Variants in AKAP12 observed in about 807,000 individuals in gnomAD.
The protein encoded by AKAP12 is A-kinase anchoring protein 12.
A neutral mutation model predicts 79.9 loss-of-function variants in AKAP12; 32 were observed. The ratio of observed to expected loss-of-function variants is 0.40; its 90% CI spans 0.30 to 0.54. The LOEUF (loss-of-function observed/expected upper bound fraction) is 0.54. Among genes scored for constraint, AKAP12 ranks in the 20% least tolerant of loss-of-function variants. AKAP12 has a pLI of 0.48. For missense variants in AKAP12, 2,074 were observed against 2,177.0 expected, an observed-to-expected ratio of 0.95 and a Z score of 0.94; for synonymous variants, 808 against 857.0, an observed-to-expected ratio of 0.94 and a Z score of 1.00.
chr6:151,335,603 C>G (rs1777791122), intron 3 of AKAP12, among the ~76,000 whole-genome samples: 1 of 152,112 alleles, frequency 6.6e-6, no homozygotes, highest in Admixed American at 6.6e-5. Context: ...TCTCAAGTAG[C>G]TGGGATTATA....
At chr6:151,290,924 T>C (rs1282848386) in intron 2 of AKAP12, among the ~76,000 whole-genome samples, 1 of 152,194 alleles carries the variant, frequency 6.6e-6, no homozygotes, top group Non-Finnish European at 1.5e-5. Context: ...TTCTTGTTTT[T>C]CCTTCTCACC....
chr6:151,258,971 A>G (rs1280888499), intron 2 of AKAP12, among the ~76,000 whole-genome samples: 1 of 151,222 alleles, frequency 6.6e-6, no homozygotes, highest in African/African-American at 2.4e-5. Flanking sequence ...CTATATATAT[A>G]TGTATATATA....
intron 3 of AKAP12, among the ~76,000 whole-genome samples, chr6:151,313,760 G>A (rs912651378): frequency 6.6e-5 from 10 of 152,070 alleles, no homozygotes; most frequent in Admixed American, 1.3e-4. Flanking sequence ...CGCTAGACAC[G>A]GCTAAGACTG....
At chr6:151,337,512 G>GAAA (rs565900855) in intron 3 of AKAP12, among the ~76,000 whole-genome samples, 1 of 101,814 alleles carries the variant, frequency 9.8e-6, no homozygotes, top group African/African-American at 4.5e-5. Flanking sequence ...TTTCCGTCTC[G>GAAA]AAAAAAAAAA....
chr6:151,272,313 C>G (rs188754668), intron 2 of AKAP12, among the ~76,000 whole-genome samples: 1 of 147,678 alleles, frequency 6.8e-6, no homozygotes, highest in Non-Finnish European at 1.5e-5. Flanking sequence ...TCACTGCACT[C>G]CAGCCTGAGT....
intron 2 of AKAP12, among the ~76,000 whole-genome samples, chr6:151,260,445 A>G (rs1016264233): frequency 6.6e-6 from 1 of 152,172 alleles, no homozygotes; most frequent in Non-Finnish European, 1.5e-5. Flanking sequence ...GTCTCTCATT[A>G]TTAACTTCTG....
chr6:151,273,392 G>T (rs1022190345), intron 2 of AKAP12, among the ~76,000 whole-genome samples: 16 of 152,150 alleles, frequency 1.1e-4, no homozygotes, highest in Non-Finnish European at 1.8e-4. Flanking sequence ...GGGTACTATG[G>T]TAGTTTCATA....
intron 3 of AKAP12, chr6:151,341,887 C>T: frequency 1.0e-6 from 1 of 954,066 alleles, no homozygotes; most frequent in Non-Finnish European, 1.4e-6. Context: ...GGGCCTGCGC[C>T]CGTGGCATCC....
chr6:151,353,736 C>T lies in AKAP12; in HGVS notation c.5345C>T (p.Ser1782Phe). Residue 1782 changes from serine to phenylalanine, a missense_variant, in exon 4 of 5, where the codon TCT becomes TTT. Transcript: ENST00000402676. ...TCTGCAAAGTCAGAACTTACAGAAT[C>T]TTAAAACATCATGCAGGTAAGCTTC... is the stretch of plus-strand genomic sequence containing the variant. ...RESAKSELTE[S>F] 6.4e-7 allele frequency: 1 copy of T among 1,571,792 alleles called. No homozygotes were observed. Among genetic ancestry groups the T allele is most frequent in the African/African-American group, 1.4e-5 (1 of 72,760 alleles).
Position 151,240,855 on chromosome 6 carries a change from G to A in AKAP12, c.162+131G>A, listed in dbSNP as rs1366393745. The A allele has an allele frequency of 1.5e-5, 13 of 879,108 alleles. No individual in the cohort carries two copies. In the African/African-American group the frequency reaches 2.1e-4, roughly 14 times the overall value. 54.5% of individuals were successfully genotyped at this position (879,108 alleles called of 1,614,324 possible). On this transcript the variant is annotated intron_variant, in intron 2 of 4. Transcript: ENST00000402676. ...TCCAGCCGCATCTGCAAACTCAGGA[G>A]TGCGAACCCCTCTTTGGAGGCTTTT... is the stretch of plus-strand genomic sequence containing the variant.
Position 151,240,462 on chromosome 6 carries a change from C to G in AKAP12, c.-101C>G. ...GGCTGGCGGCGAAGGAAGGCGCTCT[C>G]GGGACCTCGCGGGCGCGCGTCTTTT... is the stretch of plus-strand genomic sequence containing the variant. On this transcript the variant is annotated 5_prime_UTR_variant, in exon 2 of 5. Coordinates refer to ENST00000402676, the MANE Select transcript of AKAP12 (RefSeq NM_005100.4). 7.9e-7 allele frequency: 1 copy of G among 1,261,374 alleles called. No individual in the cohort carries two copies. The highest frequency in any genetic ancestry group is 1.0e-6 in the Non-Finnish European group (1 of 992,396). 78.1% of individuals were successfully genotyped at this position (1,261,374 alleles called of 1,614,324 possible).
At chr6:151,323,690 A>G (rs929234960) in intron 3 of AKAP12, 9 of 985,048 alleles carry the variant, frequency 9.1e-6, no homozygotes, top group Non-Finnish European at 1.1e-5. Context: ...GTAACTAGTG[A>G]CATTTTGTGT....
intron 3 of AKAP12, among the ~76,000 whole-genome samples, chr6:151,307,223 C>T (rs1033438980): frequency 1.3e-5 from 2 of 152,130 alleles, no homozygotes; most frequent in African/African-American, 2.4e-5. Context: ...GCCTTTTGTG[C>T]GTTATCACCT....
intron 2 of AKAP12, among the ~76,000 whole-genome samples, chr6:151,286,314 A>G (rs1776503597): frequency 6.6e-6 from 1 of 152,204 alleles, no homozygotes; most frequent in African/African-American, 2.4e-5. Flanking sequence ...ATTTCAAATA[A>G]AGTTGGCAAG....
At chr6:151,314,525 G>A (rs988273645) in intron 3 of AKAP12, among the ~76,000 whole-genome samples, 1 of 152,144 alleles carries the variant, frequency 6.6e-6, no homozygotes, top group Non-Finnish European at 1.5e-5. Context: ...TGAATGACTG[G>A]CGGTCAGGAC....
intron 2 of AKAP12, among the ~76,000 whole-genome samples, chr6:151,304,580 G>GT (rs1438785686): frequency 7.7e-6 from 1 of 130,376 alleles, no homozygotes; most frequent in East Asian, 2.5e-4. Flanking sequence ...TTTCATTTTT[G>GT]TTTTTTGTTT....
At chr6:151,248,548 C>A (rs1797118066) in intron 2 of AKAP12, among the ~76,000 whole-genome samples, 1 of 152,126 alleles carries the variant, frequency 6.6e-6, no homozygotes, top group African/African-American at 2.4e-5. Context: ...ATAGCATGTG[C>A]AGATTTCACT....
intron 2 of AKAP12, among the ~76,000 whole-genome samples, chr6:151,277,616 G>T (rs1278479221): frequency 1.3e-5 from 2 of 150,290 alleles, no homozygotes; most frequent in African/African-American, 2.4e-5. Flanking sequence ...AAATGATCAG[G>T]TTTAAACCTG....
chr6:151,301,285 G>A (rs1417146831), intron 2 of AKAP12, among the ~76,000 whole-genome samples: 1 of 152,124 alleles, frequency 6.6e-6, no homozygotes, highest in African/African-American at 2.4e-5. Flanking sequence ...AGCAAGGTGC[G>A]TGTTTATTAA....
Sources: allele counts gnomAD v4.1 joint callset (sites outside exome capture counted in the v4.1 genomes callset), GRCh38; gene constraint gnomAD v4.1.1; transcripts MANE v1.5; gene names NCBI Gene and HGNC (gene_info 2026-07-23, HGNC 2026-07-21).